The following LRBA variants were observed in gnomAD, a reference collection of about 807,000 sequenced individuals.
The protein encoded by LRBA is lipopolysaccharide-responsive and beige-like anchor protein.
In LRBA, 176 loss-of-function variants were observed where a neutral mutation model predicts 330.0. The observed-to-expected ratio is 0.53, with a 90% CI of 0.47 to 0.60. LRBA has a LOEUF of 0.60. Ranked by LOEUF, LRBA falls within the 20% of genes least tolerant of loss-of-function variation. LRBA has a pLI of 0.00. For missense variants in LRBA, 3,259 were observed against 3,444.8 expected, an observed-to-expected ratio of 0.95 and a Z score of 1.35; for synonymous variants, 1,230 against 1,193.0, an observed-to-expected ratio of 1.03 and a Z score of -0.64.
At chr4:150,591,835 C>T (rs888098812) in intron 38 of LRBA, among the ~76,000 whole-genome samples, 8 of 152,096 alleles carry the variant, frequency 5.3e-5, no homozygotes, top group Non-Finnish European at 7.4e-5. Flanking sequence ...AGAGCAAAGA[C>T]GCAAATGAAA....
chr4:150,635,085 T>A (rs549807427), intron 37 of LRBA, among the ~76,000 whole-genome samples: 13 of 152,274 alleles, frequency 8.5e-5, no homozygotes, highest in Non-Finnish European at 1.5e-5. Flanking sequence ...TAGAGGCATT[T>A]CCAGAACAGA....
intron 36 of LRBA, among the ~76,000 whole-genome samples, chr4:150,709,417 C>G (rs1785961416): frequency 6.6e-6 from 1 of 151,956 alleles, no homozygotes; most frequent in Non-Finnish European, 1.5e-5. Context: ...AGACCTAAAG[C>G]AACCCATTGC....
At chr4:150,708,705 A>C (rs771767225) in intron 36 of LRBA, among the ~76,000 whole-genome samples, 1 of 151,834 alleles carries the variant, frequency 6.6e-6, no homozygotes, top group Non-Finnish European at 1.5e-5. Flanking sequence ...ATACCAACAA[A>C]ATAAATAATA....
intron 37 of LRBA, among the ~76,000 whole-genome samples, chr4:150,672,903 T>C (rs1029251500): frequency 5.9e-5 from 9 of 152,050 alleles, no homozygotes; most frequent in African/African-American, 2.2e-4. Flanking sequence ...TATTTAGAAA[T>C]GCATCAACGG....
chr4:150,838,313 A>T (rs981202474), intron 28 of LRBA, among the ~76,000 whole-genome samples: 6 of 151,896 alleles, frequency 4.0e-5, no homozygotes, highest in Non-Finnish European at 8.8e-5. Flanking sequence ...TGTTCTCTGT[A>T]TTTCCTTAAT....
chr4:150,281,024 T>C (rs548434502), intron 55 of LRBA, among the ~76,000 whole-genome samples: 13 of 152,278 alleles, frequency 8.5e-5, no homozygotes, highest in African/African-American at 3.1e-4. Context: ...GAGAAGCATG[T>C]GTGTATGAAT....
intron 44 of LRBA, among the ~76,000 whole-genome samples, chr4:150,455,105 C>T (rs1333158047): frequency 3.1e-4 from 47 of 151,130 alleles, no homozygotes; most frequent in African/African-American, 9.5e-4. Context: ...AGGTATATCT[C>T]CCAATGCTAT....
At chr4:150,468,557 A>C (rs1050261469) in intron 43 of LRBA, among the ~76,000 whole-genome samples, 2 of 152,004 alleles carry the variant, frequency 1.3e-5, no homozygotes, top group Non-Finnish European at 2.9e-5. Context: ...AGTGGGTGAG[A>C]TCATTGTTTC....
At chr4:150,440,751 C>A (rs925433077) in intron 44 of LRBA, among the ~76,000 whole-genome samples, 8 of 151,504 alleles carry the variant, frequency 5.3e-5, no homozygotes, top group Middle Eastern at 3.4e-3. Flanking sequence ...CAGAGTGAGA[C>A]CCTGTCTCAA....
At chr4:150,284,476 T>C (rs531065667) in intron 54 of LRBA, among the ~76,000 whole-genome samples, 1 of 152,352 alleles carries the variant, frequency 6.6e-6, no homozygotes, top group South Asian at 2.1e-4. Flanking sequence ...ATTAAGTACA[T>C]GTGAGTTTTA....
intron 2 of LRBA, among the ~76,000 whole-genome samples, chr4:150,932,564 A>G (rs1044567769): frequency 1.3e-5 from 2 of 152,160 alleles, no homozygotes; most frequent in Non-Finnish European, 1.5e-5. Context: ...GAACATGAGG[A>G]AACAGGTACT....
At chr4:150,531,046 T>C (rs964785938) in intron 40 of LRBA, among the ~76,000 whole-genome samples, 8 of 152,146 alleles carry the variant, frequency 5.3e-5, no homozygotes, top group African/African-American at 1.9e-4. Context: ...CAAAGCACTG[T>C]AGTATTTGAA....
intron 22 of LRBA, among the ~76,000 whole-genome samples, chr4:150,867,342 T>C (rs1274137082): frequency 6.6e-6 from 1 of 152,104 alleles, no homozygotes; most frequent in African/African-American, 2.4e-5. Context: ...CGAAAAAAAA[T>C]ATTAGGTTGG....
chr4:150,471,702 C>G lies in LRBA; in HGVS notation c.6589G>C (p.Ala2197Pro), dbSNP rs1174339355. ...SLASPRQLFK[A>P]SNMTQRWQHR... ...TGCCATCGCTGGGTCATATTAGAAGCCTTAAAAAGCTGACGTGGACTAGCT... is the reference window on the plus strand; with the variant it reads ...TGCCATCGCTGGGTCATATTAGAAGGCTTAAAAAGCTGACGTGGACTAGCT... The change falls in exon 43 of 57, where the codon GCT becomes CCT. Residue 2197 changes from alanine to proline, a missense_variant. Physicochemically the swap from Ala to Pro is conservative, Grantham distance 27. Transcript: ENST00000651943. 1 of 1,605,948 alleles carries G rather than the reference C, an allele frequency of 6.2e-7. No homozygotes were observed. Among genetic ancestry groups the G allele is most frequent in the African/African-American group, 1.3e-5 (1 of 74,440 alleles).
At chr4:150,669,793 T>C (rs1159081328) in intron 37 of LRBA, among the ~76,000 whole-genome samples, 1 of 152,188 alleles carries the variant, frequency 6.6e-6, no homozygotes, top group African/African-American at 2.4e-5. Context: ...ATCGAACTCC[T>C]GACCTCAGGT....
intron 17 of LRBA, among the ~76,000 whole-genome samples, chr4:150,883,691 C>T (rs1728645632): frequency 6.6e-6 from 1 of 152,108 alleles, no homozygotes; most frequent in South Asian, 2.1e-4. Context: ...GGGAACTATC[C>T]ATCATTCAAA....
At chr4:150,837,468 C>A (rs1005706148) in intron 28 of LRBA, among the ~76,000 whole-genome samples, 2 of 152,046 alleles carry the variant, frequency 1.3e-5, no homozygotes, top group Admixed American at 6.6e-5. Flanking sequence ...GCTTTATGAA[C>A]CTGGGTACTC....
At chr4:150,779,624 A>T (rs1021143147) in intron 34 of LRBA, among the ~76,000 whole-genome samples, 1 of 152,068 alleles carries the variant, frequency 6.6e-6, no homozygotes, top group African/African-American at 2.4e-5. Context: ...ACACTTTTTA[A>T]CTCGAGAGAA....
At chr4:150,597,691 C>A (rs557283014) in intron 38 of LRBA, among the ~76,000 whole-genome samples, 9 of 150,444 alleles carry the variant, frequency 6.0e-5, no homozygotes, top group African/African-American at 2.2e-4. Context: ...CATCATTAAC[C>A]AAAACAAACC....
Sources: allele counts gnomAD v4.1 joint callset (sites outside exome capture counted in the v4.1 genomes callset), GRCh38; gene constraint gnomAD v4.1.1; transcripts MANE v1.5; gene names NCBI Gene and HGNC (gene_info 2026-07-23, HGNC 2026-07-21).